PPP4R1: variants seen among roughly 807,000 people sequenced by gnomAD.
PPP4R1 encodes protein phosphatase 4 regulatory subunit 1, also known as serine/threonine-protein phosphatase 4 regulatory subunit 1.
A neutral mutation model predicts 111.2 loss-of-function variants in PPP4R1; 42 were observed. That is an observed-to-expected ratio of 0.38 (90% CI 0.29 to 0.49). The LOEUF (loss-of-function observed/expected upper bound fraction) is 0.49. Among genes scored for constraint, PPP4R1 ranks in the 20% least tolerant of loss-of-function variants. The pLI is 0.97. For missense variants in PPP4R1, 1,012 were observed against 1,161.6 expected (o/e 0.87, Z 1.87); for synonymous variants, 409 against 405.5 (o/e 1.01, Z -0.10).
At chr18:9,590,576 G>A (rs879904323) in intron 4 of PPP4R1, among the ~76,000 whole-genome samples, 3 of 152,164 alleles carry the variant, frequency 2.0e-5, no homozygotes, top group East Asian at 1.9e-4. Context: ...CTAATGGGGC[G>A]GGGCAGGGGA....
chr18:9,587,073 G>A (rs11663838), intron 6 of PPP4R1, among the ~76,000 whole-genome samples: 1 of 152,166 alleles, frequency 6.6e-6, no homozygotes, highest in East Asian at 1.9e-4. Context: ...GACCATACCT[G>A]TCAGAGCAGG....
In PPP4R1 at chr18:9,614,382, C is replaced by T; in HGVS notation, c.7+96G>A. 9.8e-7 allele frequency: 1 copy of T among 1,025,584 alleles called. No homozygotes were observed. Among genetic ancestry groups the T allele is most frequent in the Non-Finnish European group, 1.2e-6 (1 of 852,942 alleles). The allele number at this position is 1,025,584 out of a possible 1,614,324, so 63.5% of individuals were successfully genotyped here. ...GGGGGCGCCTTCCCGCGCCGGGACCCCACGCCGGCCCCGGCCCGGCAGCCA... is the reference window on the plus strand; with the variant it reads ...GGGGGCGCCTTCCCGCGCCGGGACCTCACGCCGGCCCCGGCCCGGCAGCCA... On this transcript the variant is annotated intron_variant, in intron 1 of 19. Transcript: ENST00000400556. The surrounding 1 kb of genome is among the most constrained non-coding windows in gnomAD (Gnocchi z 4.1).
At chr18:9,553,781 G>A (rs928398453) in intron 15 of PPP4R1, among the ~76,000 whole-genome samples, 1 of 152,232 alleles carries the variant, frequency 6.6e-6, no homozygotes, top group Admixed American at 6.5e-5. Context: ...TTAACCACGT[G>A]TGTAAGCCCT....
intron 10 of PPP4R1, among the ~76,000 whole-genome samples, chr18:9,576,803 TAG>T (rs1313119907): frequency 5.3e-5 from 8 of 152,218 alleles, no homozygotes; most frequent in East Asian, 1.9e-4. Flanking sequence ...ATCTACCATT[TAG>T]AGTTTCCTAT....
At chr18:9,586,880 C>T (rs1167864610) in intron 6 of PPP4R1, among the ~76,000 whole-genome samples, 1 of 152,140 alleles carries the variant, frequency 6.6e-6, no homozygotes, top group African/African-American at 2.4e-5. Flanking sequence ...AATTCATGCC[C>T]TATCATGGCC....
intron 4 of PPP4R1, among the ~76,000 whole-genome samples, 174 bp downstream of exon 4, chr18:9,593,594 C>G (rs1027500395): frequency 6.6e-6 from 1 of 152,072 alleles, no homozygotes; most frequent in Non-Finnish European, 1.5e-5. Context: ...TGTAAAATGT[C>G]CAGGTCTCAG....
Position 9,593,794 on chromosome 18 carries a change from C to G in PPP4R1, c.269G>C (p.Arg90Thr). Residue 90 changes from arginine to threonine, a missense_variant, in exon 4 of 20, where the codon AGA becomes ACA. Transcript: ENST00000400556. Reference protein sequence around the residue: ...DERDCIAVLERISRLADDSEP... With the variant: ...DERDCIAVLETISRLADDSEP... ...TGAATCATCGGCCAATCTGCTAATT[C>G]TTTCCAAAACAGCAATACAATCTCT... The G allele has an allele frequency of 6.2e-7, 1 of 1,613,818 alleles. No homozygotes were observed.
chr18:9,607,346 G>A lies in PPP4R1; in HGVS notation c.52+6880C>T, dbSNP rs1269852475. Among the ~76,000 whole-genome samples the A allele has an allele frequency of 2.1e-5, 3 of 139,552 alleles. No individual in the cohort carries two copies. In the South Asian group the frequency reaches 6.9e-4, roughly 32 times the overall value. The allele number at this position is 139,552 out of a possible 152,430, so 91.6% of individuals were successfully genotyped here. ...ATTACACTCCAGCCTGGGCAACAGA[G>A]CCAGACCCTGTCTCAAAAAAAAAAA... is the stretch of plus-strand genomic sequence containing the variant. On this transcript the variant is annotated intron_variant, in intron 2 of 19. Transcript: ENST00000400556.
Position 9,577,079 on chromosome 18 carries a change from A to T in PPP4R1, c.1031T>A (p.Val344Glu). The T allele has an allele frequency of 6.4e-7, 1 of 1,567,778 alleles. No individual in the cohort carries two copies. Among genetic ancestry groups the T allele is most frequent in the Admixed American group, 2.0e-5 (1 of 49,824 alleles). ...EESKSSEEMS[V>E]ENKNRTRDQE... is the part of the protein sequence containing the mutation. ...AAAATTATACCTATTTTTGTTTTCT[A>T]CTGACATCTCTTCTGAACTTTTGCT... Residue 344 changes from valine to glutamate, a missense_variant, in exon 10 of 20, where the codon GTA becomes GAA. This residue lies in a region of PPP4R1 where 707 missense variants were observed against 742.1 expected (regional missense o/e 0.95). Coordinates refer to ENST00000400556, the MANE Select transcript of PPP4R1 (RefSeq NM_001042388.3).
rs1353234017 is a variant in PPP4R1, at chr18:9,614,328, C to G, written c.8-58G>C. 14 of 1,102,556 alleles carry G rather than the reference C, an allele frequency of 1.3e-5. No individual in the cohort carries two copies. The South Asian group carries it at 4.0e-4, about 32-fold the overall frequency. 68.3% of individuals were successfully genotyped at this position (1,102,556 alleles called of 1,614,324 possible). A position where few individuals can be genotyped will look rare whatever the true frequency, so the allele number is the denominator to read the frequency against. Reference sequence around the variant, plus strand: ...AGCGCCCCGGGGCCCGGCGCGACGCCCCCCCCCCGCCCGCCTCCCCCCCGC... The same window carrying G: ...AGCGCCCCGGGGCCCGGCGCGACGCGCCCCCCCCGCCCGCCTCCCCCCCGC... On this transcript the variant is annotated intron_variant, in intron 1 of 19. Coordinates refer to ENST00000400556, the MANE Select transcript of PPP4R1 (RefSeq NM_001042388.3). The surrounding 1 kb of genome is among the most constrained non-coding windows in gnomAD (Gnocchi z 4.1).
chr18:9,559,713 A>G, intron 13 of PPP4R1, 109 bp from the exon 14 acceptor site: 1 of 799,620 alleles, frequency 1.3e-6, no homozygotes, highest in Non-Finnish European at 1.8e-6. Context: ...TTAACATAGC[A>G]TCTCAAATAG....
At chr18:9,564,695 A>AT (rs1473753596) in intron 11 of PPP4R1, among the ~76,000 whole-genome samples, 3 of 93,352 alleles carry the variant, frequency 3.2e-5, no homozygotes, top group Non-Finnish European at 4.4e-5. Flanking sequence ...TATAAAGTGC[A>AT]TGGTGTGTGT....
intron 4 of PPP4R1, among the ~76,000 whole-genome samples, chr18:9,592,169 T>A (rs1598943552): frequency 6.6e-6 from 1 of 152,194 alleles, no homozygotes; most frequent in South Asian, 2.1e-4. Flanking sequence ...CACTACACTG[T>A]TCTAAATCAC....
chr18:9,552,796 C>G (rs1292056731), intron 16 of PPP4R1, among the ~76,000 whole-genome samples: 1 of 152,142 alleles, frequency 6.6e-6, no homozygotes, highest in Non-Finnish European at 1.5e-5. Flanking sequence ...GTGGTATATC[C>G]ATACAATGGA....
chr18:9,588,462 T>A (rs749695958), intron 5 of PPP4R1, among the ~76,000 whole-genome samples: 1 of 152,208 alleles, frequency 6.6e-6, no homozygotes, highest in Non-Finnish European at 1.5e-5. Context: ...AAAAGATGCC[T>A]CACAAAGTAA....
intron 16 of PPP4R1, among the ~76,000 whole-genome samples, chr18:9,552,741 C>A (rs1040696958): frequency 6.6e-6 from 1 of 152,170 alleles, no homozygotes; most frequent in Non-Finnish European, 1.5e-5. Flanking sequence ...AAAGACCACA[C>A]CCCCAACCCA....
At chr18:9,616,352 C>T (rs2067688277), upstream of PPP4R1, among the ~76,000 whole-genome samples, 1 of 151,726 alleles carries the variant, frequency 6.6e-6, no homozygotes, top group Non-Finnish European at 1.5e-5. Flanking sequence ...CTCACTGTAA[C>T]CTCGAACTCC....
intron 8 of PPP4R1, 139 bp downstream of exon 8, chr18:9,584,376 T>G (rs2067080861): frequency 1.5e-6 from 1 of 655,612 alleles, no homozygotes; most frequent in Non-Finnish European, 2.4e-6. Context: ...ATATTTAAAC[T>G]CCTAAATTCA....
At chr18:9,581,076 A>G (rs1418537450) in intron 9 of PPP4R1, among the ~76,000 whole-genome samples, 1 of 152,174 alleles carries the variant, frequency 6.6e-6, no homozygotes, top group East Asian at 1.9e-4. Context: ...AAATAACAGT[A>G]ACAAGCCCCC....
Sources: gnomAD v4.1 joint callset for allele counts (sites outside exome capture counted in the v4.1 genomes callset) on GRCh38, gnomAD v4.1.1 for gene constraint, gnomAD v4.1.1 regional missense constraint, Gnocchi (gnomAD v3.1) non-coding constraint, MANE v1.5 for transcripts, NCBI Gene and HGNC (gene_info 2026-07-23, HGNC 2026-07-21) for gene names.